Variants in ABHD2 observed in about 807,000 individuals in gnomAD.
ABHD2 encodes monoacylglycerol lipase ABHD2.
A neutral mutation model predicts 48.1 loss-of-function variants in ABHD2; 20 were observed. The observed-to-expected ratio is 0.42, with a 90% CI of 0.29 to 0.60. The LOEUF (loss-of-function observed/expected upper bound fraction) is 0.60, where lower values mean the gene tolerates loss of function less well. Ranked by LOEUF, ABHD2 falls within the 20% of genes least tolerant of loss-of-function variation. The probability of loss-of-function intolerance (pLI) is 0.24; values close to 1 mark genes in which losing one functional copy is unlikely to be tolerated. For synonymous variants in ABHD2, 209 were observed against 214.2 expected, an observed-to-expected ratio of 0.98 and a Z score of 0.21; for missense variants, 405 against 550.9, an observed-to-expected ratio of 0.74 and a Z score of 2.65.
At position 89,167,791 on chromosome 15, in the gene ABHD2, G is replaced by A. The variant is rs1342870270; in HGVS notation, c.539-8021G>A. Among the ~76,000 whole-genome samples, 1 of 152,174 alleles carries A rather than the reference G, an allele frequency of 6.6e-6. No homozygotes were observed. Among genetic ancestry groups the A allele is most frequent in the Non-Finnish European group, 1.5e-5 (1 of 68,042 alleles). ...TGACTCACATACTTTTACTATGGAA[G>A]TGACAGGGGCTGCTAGGCCCCTAAC... On this transcript the variant is annotated intron_variant, in intron 5 of 10. Transcript: ENST00000352732. The surrounding 1 kb of genome is among the most constrained non-coding windows in gnomAD (Gnocchi z 5.5).
At chr15:89,049,203 A>G in the ABHD2 span, among the ~76,000 whole-genome samples, 1 of 152,116 alleles carries the variant, frequency 6.6e-6, no homozygotes, top group African/African-American at 2.4e-5. Flanking sequence ...GGCTGCCCGG[A>G]GGTCAGGCAT....
chr15:89,111,872 C>CACT, intron 1 of ABHD2, among the ~76,000 whole-genome samples: 1 of 152,200 alleles, frequency 6.6e-6, no homozygotes, highest in Middle Eastern at 3.4e-3. Flanking sequence ...AAATAAAAGG[C>CACT]ACTACATCTT....
chr15:89,151,694 T>A lies in ABHD2; in HGVS notation c.212T>A (p.Ile71Asn), dbSNP rs1345338316. The part of the protein sequence containing the change: ...LLTKEYIPPL[I>N]WGKSGHIQTA... Reference sequence around the variant, plus strand: ...TTCTTTAGATACATTCCACCGTTGATCTGGGGGAAAAGTGGACACATCCAG... The same window carrying A: ...TTCTTTAGATACATTCCACCGTTGAACTGGGGGAAAAGTGGACACATCCAG... The change falls in exon 4 of 11, where the codon ATC becomes AAC. Residue 71 changes from isoleucine (I) to asparagine (N), a missense_variant. Transcript: ENST00000352732. The surrounding 1 kb of genome is among the most constrained non-coding windows in gnomAD (Gnocchi z 4.7). The A allele has an allele frequency of 6.2e-7, 1 of 1,614,050 alleles. No individual in the cohort carries two copies. Among genetic ancestry groups the A allele is most frequent in the South Asian group, 1.1e-5 (1 of 91,074 alleles).
the ABHD2 span, among the ~76,000 whole-genome samples, chr15:89,058,615 T>G: frequency 6.6e-6 from 1 of 151,834 alleles, no homozygotes; most frequent in Non-Finnish European, 1.5e-5. Context: ...CATCCTTAAC[T>G]CCCTCCATCC....
At chr15:89,149,847 A>G (rs948688595) in intron 3 of ABHD2, among the ~76,000 whole-genome samples, 122 of 152,250 alleles carry the variant, frequency 8.0e-4, no homozygotes, top group African/African-American at 2.9e-3. Flanking sequence ...CCAAGTGAGG[A>G]CCCATGCAGT....
intron 1 of ABHD2, among the ~76,000 whole-genome samples, chr15:89,105,459 G>A (rs1035590716): frequency 1.1e-4 from 17 of 152,212 alleles, no homozygotes; most frequent in Admixed American, 3.3e-4. Context: ...TGACTTTGTG[G>A]AAGAAATATG....
chr15:89,073,545 C>G, the ABHD2 span, among the ~76,000 whole-genome samples: 6 of 152,216 alleles, frequency 3.9e-5, no homozygotes, highest in Non-Finnish European at 5.9e-5. Context: ...GATCCACCCT[C>G]CTCGGCCTCC....
At chr15:89,152,605 C>T (rs186462844) in intron 4 of ABHD2, among the ~76,000 whole-genome samples, 4 of 152,232 alleles carry the variant, frequency 2.6e-5, no homozygotes, top group East Asian at 1.9e-4. Flanking sequence ...AACTGAAGCT[C>T]GGAGATGCAG....
intron 9 of ABHD2, among the ~76,000 whole-genome samples, chr15:89,191,509 G>T (rs8026818): frequency 0.018 from 2,786 of 152,100 alleles, 94 homozygotes; most frequent in African/African-American, 0.063. Context: ...TGGCCATTCT[G>T]TATTTTGTTA....
At chr15:89,152,200 C>G (rs1324109892) in intron 4 of ABHD2, among the ~76,000 whole-genome samples, 1 of 152,058 alleles carries the variant, frequency 6.6e-6, no homozygotes, top group African/African-American at 2.4e-5. Context: ...CTCAGCCTCC[C>G]GAGTAGCTGG....
At chr15:89,157,707 G>T (rs1039703919) in intron 5 of ABHD2, among the ~76,000 whole-genome samples, 2 of 152,052 alleles carry the variant, frequency 1.3e-5, no homozygotes, top group Middle Eastern at 3.2e-3. Flanking sequence ...GCCGGGCGTG[G>T]TGGCGGGCAC....
chr15:89,141,924 G>A (rs1315313355), intron 3 of ABHD2, among the ~76,000 whole-genome samples: 1 of 152,228 alleles, frequency 6.6e-6, no homozygotes, highest in Non-Finnish European at 1.5e-5. Context: ...ATTTTTAAAG[G>A]TAGAGGTTGG....
At chr15:89,191,219 T>C (rs1232985324) in intron 9 of ABHD2, 70 bp downstream of exon 9, 3 of 1,493,036 alleles carry the variant, frequency 2.0e-6, no homozygotes, top group Non-Finnish European at 2.8e-6. Flanking sequence ...GACAGATACC[T>C]CTCCTGAATT....
intron 4 of ABHD2, among the ~76,000 whole-genome samples, chr15:89,154,132 G>A (rs1046252682): frequency 1.3e-5 from 2 of 152,174 alleles, no homozygotes; most frequent in Admixed American, 6.5e-5. Context: ...TAGAGGTACA[G>A]TGACTGTTTA....
At position 89,182,977 on chromosome 15, in the gene ABHD2, C is replaced by G. The variant is rs1263421317; in HGVS notation, c.723-2447C>G. On this transcript the variant is annotated intron_variant, in intron 6 of 10. Transcript: ENST00000352732. The surrounding 1 kb of genome is among the most constrained non-coding windows in gnomAD (Gnocchi z 4.8). ...CCCATCTTGTTTCCTCTACACCTAT[C>G]CATTCAACCCCTCCCTCAGAAACTA... 2.6e-5 allele frequency among the ~76,000 whole-genome samples: 4 copies of G among 152,162 alleles called. No individual in the cohort carries two copies. The highest frequency in any genetic ancestry group is 5.9e-5 in the Non-Finnish European group (4 of 68,014).
rs559605268 is a variant in ABHD2 at position 89,124,177 on chromosome 15, T to C, written c.194+7656T>C. Among the ~76,000 whole-genome samples the C allele has an allele frequency of 6.6e-5, 10 of 152,366 alleles. No homozygotes were observed. The East Asian group carries it at 1.9e-3, about 29-fold the overall frequency. ...AAAGCACTCATTCAAATCTCTCTGATAGTGCAATATATGGAGTTATTTTCT... is the reference window on the plus strand; with the variant it reads ...AAAGCACTCATTCAAATCTCTCTGACAGTGCAATATATGGAGTTATTTTCT... On this transcript the variant is annotated intron_variant, in intron 3 of 10. Coordinates refer to ENST00000352732, the MANE Select transcript of ABHD2 (RefSeq NM_152924.5).
In ABHD2 at chr15:89,106,336, G is replaced by A. The variant is rs2049785467; in HGVS notation, c.-106-7389G>A. 6.6e-6 allele frequency: 1 copy of A among 152,464 alleles called. No homozygotes were observed. The highest frequency in any genetic ancestry group is 2.4e-5 in the African/African-American group (1 of 41,450). 9.4% of individuals were successfully genotyped at this position (152,464 alleles called of 1,614,324 possible). A position where few individuals can be genotyped will look rare whatever the true frequency, so the allele number is the denominator to read the frequency against. ...ACCCAGAGTATTTGAGCACCGTGATGACTCCATTCCACAGAACCCTCTGTG... is the reference window on the plus strand; with the variant it reads ...ACCCAGAGTATTTGAGCACCGTGATAACTCCATTCCACAGAACCCTCTGTG... On this transcript the variant is annotated intron_variant, in intron 1 of 10. Transcript: ENST00000352732. The surrounding 1 kb of genome is among the most constrained non-coding windows in gnomAD (Gnocchi z 4.2).
At chr15:89,069,756 T>C in the ABHD2 span, among the ~76,000 whole-genome samples, 3 of 138,804 alleles carry the variant, frequency 2.2e-5, no homozygotes, top group East Asian at 7.1e-4. Context: ...CTCAGCTTAC[T>C]GCAACCTCTG....
chr15:89,050,317 G>T, the ABHD2 span, among the ~76,000 whole-genome samples: 36 of 152,318 alleles, frequency 2.4e-4, no homozygotes, highest in African/African-American at 7.9e-4. Context: ...CTATGGAGCA[G>T]GGATGGCGGA....
Sources: gnomAD v4.1 joint callset for allele counts (sites outside exome capture counted in the v4.1 genomes callset) on GRCh38, gnomAD v4.1.1 for gene constraint, Gnocchi (gnomAD v3.1) non-coding constraint, MANE v1.5 for transcripts, NCBI Gene and HGNC (gene_info 2026-07-23, HGNC 2026-07-21) for gene names.